LCORL: variants seen among roughly 807,000 people sequenced by gnomAD.
LCORL encodes the protein ligand-dependent nuclear receptor corepressor-like protein.
A neutral mutation model predicts 141.8 loss-of-function variants in LCORL; 41 were observed. The observed-to-expected ratio is 0.29, with a 90% CI of 0.23 to 0.38. LCORL has a LOEUF of 0.38. LCORL is among the 10% of genes least tolerant of loss of function. The pLI is 1.00. For missense variants in LCORL, 1,759 were observed against 2,035.0 expected (o/e 0.86, Z 2.61); for synonymous variants, 618 against 694.1 (o/e 0.89, Z 1.72).
chr4:17,964,851 G>A (rs1400412497), intron 2 of LCORL, among the ~76,000 whole-genome samples: 1 of 148,776 alleles, frequency 6.7e-6, no homozygotes, highest in African/African-American at 2.6e-5. Context: ...GATAGGTCAA[G>A]GAAATCTTAC....
intron 7 of LCORL, among the ~76,000 whole-genome samples, chr4:17,855,074 C>T (rs10428367): frequency 0.21 from 31,295 of 151,838 alleles, 3,784 homozygotes; most frequent in African/African-American, 0.33. Context: ...ATAAAAAAAA[C>T]AGTTTTCTCC....
At chr4:17,866,366 A>G (rs1003521764) in intron 7 of LCORL, among the ~76,000 whole-genome samples, 5 of 152,174 alleles carry the variant, frequency 3.3e-5, no homozygotes, top group Admixed American at 3.3e-4. Context: ...TATTTACTCA[A>G]TGTCTGCCTC....
intron 2 of LCORL, among the ~76,000 whole-genome samples, chr4:17,967,795 G>A (rs1031838395): frequency 6.6e-6 from 1 of 152,100 alleles, no homozygotes; most frequent in Non-Finnish European, 1.5e-5. Context: ...TCAGGTTGGT[G>A]CAAAGGTAAT....
chr4:18,014,570 C>G (rs190418071), intron 1 of LCORL, among the ~76,000 whole-genome samples: 3 of 151,864 alleles, frequency 2.0e-5, no homozygotes, highest in African/African-American at 4.8e-5. Context: ...AAAAGTAAGA[C>G]GCAAATGTAG....
At chr4:17,850,057 C>A (rs1293374601) in intron 7 of LCORL, among the ~76,000 whole-genome samples, 3 of 149,758 alleles carry the variant, frequency 2.0e-5, no homozygotes, top group African/African-American at 7.4e-5. Context: ...ATAAATGGTG[C>A]TGGGAAAACT....
chr4:17,972,045 C>T (rs1349593164), intron 2 of LCORL, among the ~76,000 whole-genome samples: 1 of 151,708 alleles, frequency 6.6e-6, no homozygotes, highest in Admixed American at 6.6e-5. Context: ...AAGGACACTT[C>T]TCCTTTGAAC....
intron 7 of LCORL, among the ~76,000 whole-genome samples, chr4:17,851,105 A>C (rs2109100268): frequency 7.6e-6 from 1 of 130,770 alleles, no homozygotes; most frequent in Non-Finnish European, 1.6e-5. Context: ...AGGAAGGGGA[A>C]CATCACACTC....
At chr4:17,912,846 C>T (rs1302836035) in intron 4 of LCORL, 4 of 434,262 alleles carry the variant, frequency 9.2e-6, no homozygotes, top group Non-Finnish European at 1.3e-5. Flanking sequence ...TGGAAGATGG[C>T]GAGGACTTCA....
chr4:17,922,968 C>T (rs1373145256), intron 4 of LCORL, among the ~76,000 whole-genome samples: 2 of 151,992 alleles, frequency 1.3e-5, no homozygotes, highest in Non-Finnish European at 2.9e-5. Flanking sequence ...AAAGTGATGG[C>T]CCCCCCAAGG....
intron 7 of LCORL, among the ~76,000 whole-genome samples, chr4:17,849,055 A>G (rs2109093516): frequency 6.6e-6 from 1 of 152,358 alleles, no homozygotes; most frequent in Non-Finnish European, 1.5e-5. Flanking sequence ...AGCCCACCAC[A>G]GCTCAAGGAG....
intron 1 of LCORL, among the ~76,000 whole-genome samples, chr4:17,974,052 C>A (rs138712626): frequency 1.2e-4 from 18 of 152,062 alleles, no homozygotes; most frequent in African/African-American, 3.9e-4. Context: ...ACCTACTACT[C>A]GAGCAAGCTA....
chr4:17,881,169 T>A (rs958008138), intron 6 of LCORL: 36 of 972,058 alleles, frequency 3.7e-5, no homozygotes, highest in South Asian at 4.7e-5. Context: ...TTTTTTTTTT[T>A]AATATAAAAT....
chr4:17,879,315 T>C (rs926060579), intron 6 of LCORL, among the ~76,000 whole-genome samples: 5 of 151,100 alleles, frequency 3.3e-5, no homozygotes, highest in Non-Finnish European at 5.9e-5. Flanking sequence ...TTTATAAAAA[T>C]TATGTTATTT....
chr4:17,895,434 T>C (rs1729774943), intron 5 of LCORL, among the ~76,000 whole-genome samples: 2 of 152,168 alleles, frequency 1.3e-5, no homozygotes, highest in South Asian at 2.1e-4. Flanking sequence ...GCTGGACTTA[T>C]TTCATTTTAC....
intron 6 of LCORL, among the ~76,000 whole-genome samples, chr4:17,879,129 G>A (rs538725649): frequency 2.1e-4 from 32 of 151,036 alleles, no homozygotes; most frequent in African/African-American, 7.7e-4. Flanking sequence ...AAATTTTAAG[G>A]TTGGAATAAT....
At chr4:17,976,518 T>C (rs1335509488) in intron 1 of LCORL, among the ~76,000 whole-genome samples, 1 of 152,160 alleles carries the variant, frequency 6.6e-6, no homozygotes, top group Non-Finnish European at 1.5e-5. Flanking sequence ...TAGTATGTAA[T>C]GTAAGAATCA....
chr4:18,019,897 C>G (rs1487781812), intron 1 of LCORL, among the ~76,000 whole-genome samples: 2 of 152,110 alleles, frequency 1.3e-5, no homozygotes, highest in African/African-American at 4.8e-5. Flanking sequence ...ATTTTGTATT[C>G]AAGAAGCACA....
intron 1 of LCORL, among the ~76,000 whole-genome samples, chr4:18,019,156 T>C (rs963944330): frequency 1.2e-4 from 18 of 152,194 alleles, no homozygotes; most frequent in African/African-American, 4.3e-4. Flanking sequence ...CTGGCCAACA[T>C]GGTGAAACCT....
chr4:17,873,700 G>T, exon 7 of LCORL: 1 of 1,233,734 alleles, frequency 8.1e-7, no homozygotes, highest in Non-Finnish European at 1.0e-6. Flanking sequence ...TCTTCCATAT[G>T]AGTCTGATGA....
Sources: allele counts gnomAD v4.1 joint callset (sites outside exome capture counted in the v4.1 genomes callset), GRCh38; gene constraint gnomAD v4.1.1; transcripts MANE v1.5; gene names NCBI Gene and HGNC (gene_info 2026-07-23, HGNC 2026-07-21).